The following CNN3 variants were observed in gnomAD, a reference collection of about 807,000 sequenced individuals.
The protein encoded by CNN3 is calponin-3.
CNN3 carries 11 observed loss-of-function variants against 39.0 expected under a neutral mutation model. The observed-to-expected ratio is 0.28, with a 90% CI of 0.18 to 0.47. The LOEUF is 0.47. Ranked by LOEUF, CNN3 falls within the 20% of genes least tolerant of loss-of-function variation. The pLI is 0.99. For synonymous variants in CNN3, 101 were observed against 138.3 expected (o/e 0.73, Z 1.89); for missense variants, 266 against 403.4 (o/e 0.66, Z 2.92).
chr1:94,901,560 C>G lies in CNN3; in HGVS notation c.501+109G>C, dbSNP rs567127255. 1.2e-3 allele frequency: 839 copies of G among 688,086 alleles called. 11 individuals are homozygous for G. The African/African-American group carries it at 0.014, about 11-fold the overall frequency. The allele number at this position is 688,086 out of a possible 1,614,324, so 42.6% of individuals were successfully genotyped here. A position where few individuals can be genotyped will look rare whatever the true frequency, so the allele number is the denominator to read the frequency against. ...TAAATTGTATAAACTACACCCCCCC[C>G]CCAGTACTATAGTACTTCTGTCTAT... On this transcript the variant is annotated intron_variant, in intron 5 of 6. Coordinates refer to ENST00000370206, the MANE Select transcript of CNN3 (RefSeq NM_001839.5).
intron 1 of CNN3, among the ~76,000 whole-genome samples, chr1:94,921,476 C>T (rs889487849): frequency 2.6e-5 from 4 of 152,146 alleles, no homozygotes; most frequent in African/African-American, 4.8e-5. Flanking sequence ...AAAACCAAAA[C>T]GATCCAATTG....
rs144206620 is a variant in CNN3 at position 94,900,868 on chromosome 1, T to A, written c.501+801A>T. 4.6e-5 allele frequency among the ~76,000 whole-genome samples: 7 copies of A among 152,330 alleles called. No homozygotes were observed. In the East Asian group the frequency reaches 1.4e-3, roughly 29 times the overall value. On this transcript the variant is annotated intron_variant, in intron 5 of 6. Transcript: ENST00000370206. ...GATTTGGTACTGTAAATAAGTGACT[T>A]TGGCATTAAGGTCGTGTAAAATTGC...
intron 1 of CNN3, among the ~76,000 whole-genome samples, chr1:94,906,631 G>C (rs1053574992): frequency 1.1e-4 from 16 of 152,130 alleles, no homozygotes; most frequent in African/African-American, 3.1e-4. Context: ...AACTTCTCTC[G>C]ATCCAAGAGG....
In CNN3 at chr1:94,897,482, C is replaced by CT. The variant is rs146582464; in HGVS notation, c.*259dup. The CT allele has an allele frequency of 1.4e-3, 502 of 353,304 alleles. 2 individuals carry two copies. The highest frequency in any genetic ancestry group is 9.3e-3 in the African/African-American group (450 of 48,410). The allele number at this position is 353,304 out of a possible 1,614,324, so 21.9% of individuals were successfully genotyped here. A position where few individuals can be genotyped will look rare whatever the true frequency, so the allele number is the denominator to read the frequency against. On this transcript the variant is annotated 3_prime_UTR_variant, in exon 7 of 7. Coordinates refer to ENST00000370206, the MANE Select transcript of CNN3 (RefSeq NM_001839.5). ...TAAAAGAACTGGCTGTACAAGAGTA[C>CT]TCCCCTTTCACAGTATTCCTTTTTA...
rs1671585983 is a variant in CNN3 at position 94,926,488 on chromosome 1, C to T, written c.57+350G>A. The stretch of plus-strand genomic sequence containing the variant: ...CTCCGCCTAAGGGCGAGTGGCCACG[C>T]AGGAGCGCCCCCTTCCCGGAGGGCG... On this transcript the variant is annotated intron_variant, in intron 1 of 6. Transcript: ENST00000370206. This position sits in a 1 kb window ranked among gnomAD's most constrained non-coding sequence, Gnocchi z 4.2. Among the ~76,000 whole-genome samples, 1 of 152,278 alleles carries T rather than the reference C, an allele frequency of 6.6e-6. No homozygotes were observed. Among genetic ancestry groups the T allele is most frequent in the South Asian group, 2.1e-4 (1 of 4,826 alleles).
chr1:94,907,203 G>A (rs1395701112), intron 1 of CNN3, among the ~76,000 whole-genome samples: 1 of 152,176 alleles, frequency 6.6e-6, no homozygotes, highest in East Asian at 1.9e-4. Flanking sequence ...TAAAAATTAA[G>A]ACTAGGAATG....
At chr1:94,906,258 A>G (rs1571521604) in intron 1 of CNN3, among the ~76,000 whole-genome samples, 1 of 152,140 alleles carries the variant, frequency 6.6e-6, no homozygotes, top group South Asian at 2.1e-4. Context: ...GCTGAGATTA[A>G]AGGCGTGAGC....
chr1:94,899,447 G>A lies in CNN3; in HGVS notation c.572C>T (p.Pro191Leu), dbSNP rs1209416324. ...AYGTRRHLYDPKMQTDKPFDQ... is the reference protein window; with the variant it reads ...AYGTRRHLYDLKMQTDKPFDQ... ...AAAAGGTTTGTCAGTTTGCATTTTG[G>A]GATCATAAAGATGCCTCCTAGTCCC... is the stretch of plus-strand genomic sequence containing the variant. The change falls in exon 6 of 7, where the codon CCC (proline) becomes CTC (leucine). Residue 191 changes from proline (P) to leucine (L), a missense_variant. Coordinates refer to ENST00000370206, the MANE Select transcript of CNN3 (RefSeq NM_001839.5). 6.2e-7 allele frequency: 1 copy of A among 1,613,960 alleles called. No homozygotes were observed. Among genetic ancestry groups the A allele is most frequent in the Non-Finnish European group, 8.5e-7 (1 of 1,179,958 alleles).
At chr1:94,905,037 G>A (rs527586207) in intron 1 of CNN3, among the ~76,000 whole-genome samples, 25 of 152,240 alleles carry the variant, frequency 1.6e-4, no homozygotes, top group African/African-American at 6.0e-4. Context: ...ACTCACGGAG[G>A]AACCAAGCAG....
intron 1 of CNN3, among the ~76,000 whole-genome samples, chr1:94,909,075 A>G (rs569036124): frequency 6.6e-6 from 1 of 152,104 alleles, no homozygotes; most frequent in South Asian, 2.1e-4. Context: ...TGAAGCCAGG[A>G]GTTCCAGGTT....
chr1:94,904,670 C>G (rs1204979188), intron 1 of CNN3, among the ~76,000 whole-genome samples: 2 of 152,048 alleles, frequency 1.3e-5, no homozygotes, highest in African/African-American at 4.8e-5. Flanking sequence ...TCACTTGAGC[C>G]CACGAGATCG....
intron 1 of CNN3, 71 bp from the exon 2 acceptor site, chr1:94,903,595 T>C (rs1670924008): frequency 6.3e-7 from 1 of 1,595,230 alleles, no homozygotes; most frequent in African/African-American, 1.3e-5. Context: ...CACAACGCGC[T>C]CTGCTTTCAC....
intron 6 of CNN3, among the ~76,000 whole-genome samples, chr1:94,898,854 C>T (rs2101714940): frequency 6.6e-6 from 1 of 152,264 alleles, no homozygotes; most frequent in South Asian, 2.1e-4. Flanking sequence ...CCTGTCTGTT[C>T]TCAAATGGTT....
chr1:94,904,845 T>C (rs949708659), intron 1 of CNN3, among the ~76,000 whole-genome samples: 4 of 152,012 alleles, frequency 2.6e-5, no homozygotes, highest in African/African-American at 4.8e-5. Context: ...CAAGTATACA[T>C]AGGAAATGCT....
At chr1:94,902,694 A>G (rs1670899450) in intron 3 of CNN3, among the ~76,000 whole-genome samples, 1 of 152,146 alleles carries the variant, frequency 6.6e-6, no homozygotes, top group Non-Finnish European at 1.5e-5. Flanking sequence ...CATGTTCAAG[A>G]CCAGTAAGTA....
rs544863127 is a variant in CNN3 at position 94,901,404 on chromosome 1, A to T, written c.501+265T>A. On this transcript the variant is annotated intron_variant, in intron 5 of 6. Coordinates refer to ENST00000370206, the MANE Select transcript of CNN3 (RefSeq NM_001839.5). ...TTTAAAAGTGTATTTTTCTTTTTTA[A>T]AAAAAAAAAAAAGACAATATGATTC... Among the ~76,000 whole-genome samples, 141 of 151,138 alleles carry T rather than the reference A, an allele frequency of 9.3e-4. 1 individual carries two copies. Among genetic ancestry groups the T allele is most frequent in the South Asian group, 2.1e-3 (10 of 4,796 alleles).
At chr1:94,921,477 G>A (rs576495908) in intron 1 of CNN3, among the ~76,000 whole-genome samples, 19 of 152,204 alleles carry the variant, frequency 1.2e-4, no homozygotes, top group South Asian at 2.1e-4. Flanking sequence ...AAACCAAAAC[G>A]ATCCAATTGT....
chr1:94,909,095 G>A (rs1671093330), intron 1 of CNN3, among the ~76,000 whole-genome samples: 1 of 152,046 alleles, frequency 6.6e-6, no homozygotes, highest in African/African-American at 2.4e-5. Context: ...TGCAGTGACT[G>A]ATAATCATGT....
chr1:94,923,086 G>A (rs1036968345), intron 1 of CNN3, among the ~76,000 whole-genome samples: 6 of 152,048 alleles, frequency 3.9e-5, no homozygotes, highest in African/African-American at 7.2e-5. Flanking sequence ...AGGTTCCTGC[G>A]GCATTTGCTC....
Sources: gnomAD v4.1 joint callset for allele counts (sites outside exome capture counted in the v4.1 genomes callset) on GRCh38, gnomAD v4.1.1 for gene constraint, Gnocchi (gnomAD v3.1) non-coding constraint, MANE v1.5 for transcripts, NCBI Gene and HGNC (gene_info 2026-07-23, HGNC 2026-07-21) for gene names.